SEMA3G: variants seen among roughly 807,000 people sequenced by gnomAD.
SEMA3G encodes semaphorin-3G.
SEMA3G carries 70 observed loss-of-function variants against 86.2 expected under a neutral mutation model. The observed-to-expected ratio is 0.81, with a 90% CI of 0.67 to 0.99. The LOEUF (loss-of-function observed/expected upper bound fraction) is 0.99. SEMA3G is among the 50% of genes least tolerant of loss of function. The pLI is 0.00. For synonymous variants in SEMA3G, 416 were observed against 441.4 expected, an observed-to-expected ratio of 0.94 and a Z score of 0.72; for missense variants, 1,002 against 1,072.4, an observed-to-expected ratio of 0.93 and a Z score of 0.92.
At chr3:52,438,308 T>C in intron 13 of SEMA3G, 109 bp from the exon 14 acceptor site, 1 of 1,415,422 alleles carries the variant, frequency 7.1e-7, no homozygotes, top group Non-Finnish European at 9.7e-7. Context: ...CAGGAAGTCT[T>C]CCAGAACCTC....
At chr3:52,439,204 C>G (rs1706101508) in intron 12 of SEMA3G, among the ~76,000 whole-genome samples, 1 of 152,166 alleles carries the variant, frequency 6.6e-6, no homozygotes, top group Non-Finnish European at 1.5e-5. Flanking sequence ...AGTGTCCCCT[C>G]TCTCAGCCTG....
In SEMA3G at chr3:52,437,968, C is replaced by T; in HGVS notation, c.1738+3G>A. 4 of 1,611,362 alleles carry T rather than the reference C, an allele frequency of 2.5e-6. No individual in the cohort carries two copies. Among genetic ancestry groups the T allele is most frequent in the Non-Finnish European group, 3.4e-6 (4 of 1,179,408 alleles). On this transcript the variant is annotated splice_donor_region_variant and intron_variant, in intron 14 of 15. Transcript: ENST00000231721. ...CTGGGCCCTCCCACCTGCCACCACT[C>T]ACCTTCCTGGCTCTGGCCCAGGCAC...
Position 52,436,045 on chromosome 3 carries a change from G to A in SEMA3G, c.1907C>T (p.Thr636Met), listed in dbSNP as rs151151732. 3.0e-5 allele frequency: 49 copies of A among 1,612,078 alleles called. No homozygotes were observed. The highest frequency in any genetic ancestry group is 1.1e-4 in the East Asian group (5 of 44,862). ...QVKTDERVLHTERGLLFRRLS... is the reference protein window; with the variant it reads ...QVKTDERVLHMERGLLFRRLS... ...CCTGCGGAACAGCAGCCCCCGCTCC[G>A]TGTGCAAGACTCGCTCGTCCGTCTT... Residue 636 changes from threonine (T) to methionine (M), a missense_variant, in exon 16 of 16, where the codon ACG becomes ATG. By Grantham distance (81) the Thr-to-Met change is moderately conservative (BLOSUM62 -1). Coordinates refer to ENST00000231721, the MANE Select transcript of SEMA3G (RefSeq NM_020163.3).
intron 1 of SEMA3G, 95 bp from the exon 2 acceptor site, chr3:52,443,002 CCT>C: frequency 1.3e-6 from 2 of 1,546,554 alleles, no homozygotes; most frequent in African/African-American, 2.7e-5. Context: ...AGCATCCACC[CCT>C]GACACACTCA....
chr3:52,441,776 C>T, intron 5 of SEMA3G, 43 bp downstream of exon 5: 1 of 1,591,636 alleles, frequency 6.3e-7, no homozygotes, highest in Admixed American at 1.7e-5. Flanking sequence ...CATAGGCCAG[C>T]TGCCACCCTC....
At chr3:52,438,879 G>T in intron 13 of SEMA3G, 41 bp downstream of exon 13, 1 of 1,610,718 alleles carries the variant, frequency 6.2e-7, no homozygotes. Context: ...CGGAGCAGGG[G>T]CAGAAGGGGG....
In SEMA3G at chr3:52,441,417, GGTGACAGGGTCATGCT is replaced by G. The variant is rs772800789; in HGVS notation, c.668-24_668-9del. The G allele has an allele frequency of 5.4e-5, 87 of 1,612,816 alleles. No individual in the cohort carries two copies. Among genetic ancestry groups the G allele is most frequent in the Non-Finnish European group, 7.3e-5 (86 of 1,179,478 alleles). On this transcript the variant is annotated splice_polypyrimidine_tract_variant and intron_variant, in intron 6 of 15. Transcript: ENST00000231721. ...CCATCACAAACCGGGGGTCTGGAAG[GGTGACAGGGTCATGCT>G]GGGTGGAGGGGCCCCACAGGGGAGG...
Position 52,438,975 on chromosome 3 carries a change from A to G in SEMA3G, c.1468-14T>C. The G allele has an allele frequency of 6.2e-7, 1 of 1,612,994 alleles. No individual in the cohort carries two copies. The highest frequency in any genetic ancestry group is 8.5e-7 in the Non-Finnish European group (1 of 1,179,402). ...AGGTGTTGGCACCTGGGGAAGGAGAAGGGTCTCAGTGTGGGTCGGGTGGAC... is the reference window on the plus strand; with the variant it reads ...AGGTGTTGGCACCTGGGGAAGGAGAGGGGTCTCAGTGTGGGTCGGGTGGAC... On this transcript the variant is annotated splice_polypyrimidine_tract_variant and intron_variant, in intron 12 of 15. Transcript: ENST00000231721.
Position 52,438,945 on chromosome 3 carries a change from G to A in SEMA3G, c.1484C>T (p.Thr495Ile). 3 of 1,613,646 alleles carry A rather than the reference G, an allele frequency of 1.9e-6. No individual in the cohort carries two copies. Among genetic ancestry groups the A allele is most frequent in the Non-Finnish European group, 2.5e-6 (3 of 1,179,722 alleles). The stretch of plus-strand genomic sequence containing the variant: ...CCTTTTGACAGAGATCTCCATTTCG[G>A]TGATAGGTGTTGGCACCTGGGGAAG... ...LQVFKVPTPITEMEISVKRQM... is the reference protein window; with the variant it reads ...LQVFKVPTPIIEMEISVKRQM... The change falls in exon 13 of 16, where the codon ACC (threonine) becomes ATC (isoleucine). Residue 495 changes from threonine (T) to isoleucine (I), a missense_variant. Coordinates refer to ENST00000231721, the MANE Select transcript of SEMA3G (RefSeq NM_020163.3).
In SEMA3G at chr3:52,439,767, T is replaced by C. The variant is rs1448472554; in HGVS notation, c.1380A>G (p.Ser460=). The change falls in exon 12 of 16, where the codon TCA becomes TCG. Residue 460 remains serine, a synonymous_variant. Transcript: ENST00000231721. ...TYDVIFLGTD[S]GSVLKVIALQ... ...GAGCGATGACTTTGAGCACAGACCC[T>C]GAGTCTGGGGCCAGGGAGGAGGGGT... is the stretch of plus-strand genomic sequence containing the variant. 6.2e-7 allele frequency: 1 copy of C among 1,613,720 alleles called. No individual in the cohort carries two copies. Among genetic ancestry groups the C allele is most frequent in the Non-Finnish European group, 8.5e-7 (1 of 1,179,918 alleles).
chr3:52,435,962 G>A lies in SEMA3G; in HGVS notation c.1990C>T (p.Gln664Ter). 6.2e-7 allele frequency: 1 copy of A among 1,614,016 alleles called. No homozygotes were observed. Among genetic ancestry groups the A allele is most frequent in the African/African-American group, 1.3e-5 (1 of 75,062 alleles). Residue 664 changes from glutamine to a stop codon, truncating the protein, a stop_gained, in exon 16 of 16, where the codon CAG becomes TAG. Transcript: ENST00000231721. LOFTEE classifies it low-confidence loss of function (END_TRUNC). ...ACCAGAGCCAGGCGGACCACAGTCTGGGAGAAGCCATGCTCCAGAGTGGTG... is the reference window on the plus strand; with the variant it reads ...ACCAGAGCCAGGCGGACCACAGTCTAGGAGAAGCCATGCTCCAGAGTGGTG... The part of the protein sequence containing the change: ...TCTTLEHGFS[Q>*]TVVRLALVVI...
At chr3:52,438,398 G>A in intron 13 of SEMA3G, 199 bp from the exon 14 acceptor site, 1 of 983,960 alleles carries the variant, frequency 1.0e-6, no homozygotes, top group Non-Finnish European at 1.2e-6. Flanking sequence ...CAGAAGGGAT[G>A]GAGGAGAACC....
intron 1 of SEMA3G, among the ~76,000 whole-genome samples, 187 bp downstream of exon 1, chr3:52,444,723 ACAC>A: frequency 1.2e-4 from 1 of 8,058 alleles, no homozygotes; most frequent in East Asian, 7.4e-3. Context: ...ACGCACACAA[ACAC>A]GGCACACGCA....
At chr3:52,439,807 G>A (rs1706111118) in intron 11 of SEMA3G, 36 bp from the exon 12 acceptor site, 2 of 1,610,974 alleles carry the variant, frequency 1.2e-6, no homozygotes, top group Non-Finnish European at 1.7e-6. Flanking sequence ...GGGACAGGAG[G>A]GGACAGCCAG....
Position 52,441,864 on chromosome 3 carries a change from GC to G in SEMA3G, c.504del (p.Arg169GlyfsTer15). 1 of 1,593,246 alleles carries G rather than the reference GC, an allele frequency of 6.3e-7. No individual in the cohort carries two copies. Among genetic ancestry groups the G allele is most frequent in the Non-Finnish European group, 8.5e-7 (1 of 1,169,850 alleles). ...LEPGSVESGR[G>X]RCPHEPSRPF... ...GGACGGCTGGGCTCGTGAGGGCACC[GC>G]CCCCGGCCACTTTCCACACTGCCAG... On this transcript the variant is annotated frameshift_variant, in exon 5 of 16. Coordinates refer to ENST00000231721, the MANE Select transcript of SEMA3G (RefSeq NM_020163.3). LOFTEE classifies it high-confidence loss of function.
Position 52,442,739 on chromosome 3 carries a change from C to T in SEMA3G, c.276+8G>A, listed in dbSNP as rs1156351637. On this transcript the variant is annotated splice_region_variant and intron_variant, in intron 2 of 15. Coordinates refer to ENST00000231721, the MANE Select transcript of SEMA3G (RefSeq NM_020163.3). The surrounding 1 kb of genome is among the most constrained non-coding windows in gnomAD (Gnocchi z 6.1). ...AAACAGACCCTCTTCCCTGCCAGTC[C>T]AGCTCACCTCCCGGGGATCTGGCCA... is the stretch of plus-strand genomic sequence containing the variant. The T allele has an allele frequency of 6.2e-7, 1 of 1,613,544 alleles. No individual in the cohort carries two copies. Among genetic ancestry groups the T allele is most frequent in the Non-Finnish European group, 8.5e-7 (1 of 1,179,758 alleles).
rs538936214 is a variant in SEMA3G at position 52,445,090 on chromosome 3, G to A, written c.-63C>T. 80 of 1,251,000 alleles carry A rather than the reference G, an allele frequency of 6.4e-5. No homozygotes were observed. In the Middle Eastern group the frequency reaches 1.5e-3, roughly 24 times the overall value. 77.5% of individuals were successfully genotyped at this position (1,251,000 alleles called of 1,614,324 possible). On this transcript the variant is annotated 5_prime_UTR_variant, in exon 1 of 16. Transcript: ENST00000231721. ...GAGCCGCCCTCTGGTCCCGCTGGCC[G>A]CCGGTTGTAGTTTGCTCTGCTGCCA... is the stretch of plus-strand genomic sequence containing the variant.
chr3:52,442,204 G>A lies in SEMA3G; in HGVS notation c.440C>T (p.Thr147Ile). 1 of 1,613,702 alleles carries A rather than the reference G, an allele frequency of 6.2e-7. No individual in the cohort carries two copies. Among genetic ancestry groups the A allele is most frequent in the Non-Finnish European group, 8.5e-7 (1 of 1,179,834 alleles). The change falls in exon 4 of 16, where the codon ACA becomes ATA. Residue 147 changes from threonine (T) to isoleucine (I), a missense_variant. By Grantham distance (89) the Thr-to-Ile change is moderately conservative (BLOSUM62 -1). Transcript: ENST00000231721. This position sits in a 1 kb window ranked among gnomAD's most constrained non-coding sequence, Gnocchi z 6.1. Reference sequence around the variant, plus strand: ...GCTCACCTCCCCACGGTGGCCAACTGTGATGAGGGCACAGGTGGGCTGGAA... The same window carrying A: ...GCTCACCTCCCCACGGTGGCCAACTATGATGAGGGCACAGGTGGGCTGGAA... ...GAFQPTCALI[T>I]VGHRGEHVLH...
chr3:52,439,120 G>A (rs959855333), intron 12 of SEMA3G, among the ~76,000 whole-genome samples, 159 bp from the exon 13 acceptor site: 3 of 152,160 alleles, frequency 2.0e-5, no homozygotes, highest in Admixed American at 6.5e-5. Flanking sequence ...TTTCCCAGAC[G>A]ATGGGTTACA....
Sources: gnomAD v4.1 joint callset for allele counts (sites outside exome capture counted in the v4.1 genomes callset) on GRCh38, gnomAD v4.1.1 for gene constraint, Gnocchi (gnomAD v3.1) non-coding constraint, MANE v1.5 for transcripts, NCBI Gene and HGNC (gene_info 2026-07-23, HGNC 2026-07-21) for gene names.